CEP170: variants seen among roughly 807,000 people sequenced by gnomAD.
CEP170 encodes the protein centrosomal protein of 170 kDa.
A neutral mutation model predicts 151.9 loss-of-function variants in CEP170; 21 were observed. The ratio of observed to expected loss-of-function variants is 0.14; its 90% CI spans 0.10 to 0.20. CEP170 has a LOEUF of 0.20. Ranked by LOEUF, CEP170 falls within the 10% of genes least tolerant of loss-of-function variation. The probability of loss-of-function intolerance (pLI) is 1.00; values close to 1 mark genes in which losing one functional copy is unlikely to be tolerated. For synonymous variants in CEP170, 356 were observed against 648.8 expected, an observed-to-expected ratio of 0.55 and a Z score of 6.86; for missense variants, 964 against 1,892.9, an observed-to-expected ratio of 0.51 and a Z score of 9.11.
In CEP170 at chr1:243,185,977, T is replaced by C; in HGVS notation, c.1368A>G (p.Leu456=). 2 of 1,613,744 alleles carry C rather than the reference T, an allele frequency of 1.2e-6. No individual in the cohort carries two copies. Among genetic ancestry groups the C allele is most frequent in the East Asian group, 4.5e-5 (2 of 44,882 alleles). ...SEEPSVSIPF[L]QTALLRSSGS... ...CTGAACTTCTTAATAATGCAGTTTG[T>C]AGGAAGGGTATTGACACCGATGGCT... The change falls in exon 10 of 20, where the codon CTA becomes CTG. Residue 456 remains leucine, a synonymous_variant. Transcript: ENST00000366542. This position sits in a 1 kb window ranked among gnomAD's most constrained non-coding sequence, Gnocchi z 4.9.
chr1:243,133,511 T>C (rs903738538), intron 17 of CEP170, among the ~76,000 whole-genome samples: 1 of 152,188 alleles, frequency 6.6e-6, no homozygotes, highest in African/African-American at 2.4e-5. Context: ...ATATATTACA[T>C]TTAACTACAA....
At chr1:243,240,105 G>GT (rs1480538662) in intron 1 of CEP170, among the ~76,000 whole-genome samples, 2 of 152,302 alleles carry the variant, frequency 1.3e-5, no homozygotes, top group Non-Finnish European at 2.9e-5. Flanking sequence ...GAAGTCAGAA[G>GT]TTTGAGACCA....
intron 17 of CEP170, among the ~76,000 whole-genome samples, chr1:243,133,042 A>T (rs1057469780): frequency 6.6e-6 from 1 of 152,184 alleles, no homozygotes; most frequent in African/African-American, 2.4e-5. Flanking sequence ...TCCTTAACAA[A>T]TTCTGCCAAA....
intron 4 of CEP170, among the ~76,000 whole-genome samples, chr1:243,205,629 G>C (rs1355391119): frequency 6.6e-6 from 1 of 152,158 alleles, no homozygotes; most frequent in Admixed American, 6.6e-5. Context: ...AATCTTAAAG[G>C]AAAGACTCAA....
chr1:243,142,599 T>G, intron 14 of CEP170, 136 bp from the exon 15 acceptor site: 1 of 613,830 alleles, frequency 1.6e-6, no homozygotes, highest in Non-Finnish European at 2.9e-6. Flanking sequence ...ATTAACTATT[T>G]TGATAATCAG....
chr1:243,162,453 A>G (rs2058141360), intron 13 of CEP170, among the ~76,000 whole-genome samples: 1 of 152,228 alleles, frequency 6.6e-6, no homozygotes, highest in Non-Finnish European at 1.5e-5. Flanking sequence ...AAGTATGAAA[A>G]GACTAAAATC....
intron 7 of CEP170, among the ~76,000 whole-genome samples, chr1:243,194,991 T>C (rs1034709954): frequency 3.3e-5 from 5 of 151,838 alleles, no homozygotes; most frequent in African/African-American, 1.2e-4. Context: ...GGGATACTTA[T>C]ACTTCATCCA....
intron 10 of CEP170, among the ~76,000 whole-genome samples, chr1:243,180,617 T>G (rs1172877236): frequency 6.6e-6 from 1 of 152,228 alleles, no homozygotes; most frequent in African/African-American, 2.4e-5. Context: ...ACATCCTGCC[T>G]TCTTCTACAT....
At chr1:243,188,529 T>C (rs2060077121) in intron 8 of CEP170, among the ~76,000 whole-genome samples, 1 of 152,204 alleles carries the variant, frequency 6.6e-6, no homozygotes, top group African/African-American at 2.4e-5. Context: ...CCTCACCAAG[T>C]TCTTTTCTTT....
At chr1:243,210,842 C>G (rs1281423037) in intron 4 of CEP170, among the ~76,000 whole-genome samples, 1 of 151,748 alleles carries the variant, frequency 6.6e-6, no homozygotes, top group East Asian at 1.9e-4. Context: ...TCAGGCTGGT[C>G]TCGAACTCCT....
intron 1 of CEP170, among the ~76,000 whole-genome samples, chr1:243,226,203 A>ATATACC (rs200087229): frequency 7.1e-4 from 11 of 15,398 alleles, no homozygotes; most frequent in East Asian, 0.056. Context: ...ATCTAGATAT[A>ATATACC]TATATATCTA....
In CEP170 at chr1:243,199,097, G is replaced by A. The variant is rs1431864828; in HGVS notation, c.594C>T (p.Gly198=). 3 of 1,611,422 alleles carry A rather than the reference G, an allele frequency of 1.9e-6. No individual in the cohort carries two copies. The highest frequency in any genetic ancestry group is 1.7e-6 in the Non-Finnish European group (2 of 1,178,606). The part of the protein sequence containing the change: ...VDEKRAFKTN[G]KPEEKNHEAG... ...CTTCATGGTTTTTTTCTTCAGGTTT[G>A]CCATTTGTCTTGAAAGCTCTTTTTT... Residue 198 remains glycine (G), a synonymous_variant, in exon 7 of 20, where the codon GGC becomes GGT. Transcript: ENST00000366542.
At chr1:243,194,318 T>A in intron 7 of CEP170, among the ~76,000 whole-genome samples, 1 of 152,094 alleles carries the variant, frequency 6.6e-6, no homozygotes, top group South Asian at 2.1e-4. Flanking sequence ...TCAGTATTAT[T>A]ATATTACTAA....
At position 243,191,313 on chromosome 1, in the gene CEP170, A is replaced by G. The variant is rs972747011; in HGVS notation, c.813T>C (p.His271=). The change falls in exon 8 of 20, where the codon CAT becomes CAC. Residue 271 remains histidine, a synonymous_variant. Transcript: ENST00000366542. ...EIPTKDTPSS[H]ITGAGHASFT... ...ATGAAGCATGCCCTGCACCTGTTAT[A>G]TGGGAACTTGGCGTGTCTTTTGTTG... is the stretch of plus-strand genomic sequence containing the variant. The G allele has an allele frequency of 3.1e-6, 5 of 1,613,272 alleles. No individual in the cohort carries two copies. The highest frequency in any genetic ancestry group is 3.4e-6 in the Non-Finnish European group (4 of 1,179,596).
intron 4 of CEP170, among the ~76,000 whole-genome samples, chr1:243,209,456 G>C (rs945645852): frequency 6.6e-6 from 1 of 152,020 alleles, no homozygotes; most frequent in African/African-American, 2.4e-5. Flanking sequence ...CAAAGTGCTG[G>C]GATTACAGGT....
chr1:243,247,441 T>C (rs986083318), intron 1 of CEP170, among the ~76,000 whole-genome samples: 1 of 152,134 alleles, frequency 6.6e-6, no homozygotes, highest in Non-Finnish European at 1.5e-5. Flanking sequence ...GCAATCTCCA[T>C]CTCCTGGGCT....
rs529239597 is a variant in CEP170, at chr1:243,158,900, C to A, written c.3677-2445G>T. Among the ~76,000 whole-genome samples the A allele has an allele frequency of 2.6e-3, 390 of 151,984 alleles. 1 individual carries two copies. The highest frequency in any genetic ancestry group is 8.9e-3 in the African/African-American group (367 of 41,446). ...TGGCCAACATGGTGAAACCCCATCT[C>A]TACTAAAAATACAAAAATTAGCCAG... On this transcript the variant is annotated intron_variant, in intron 13 of 19. Coordinates refer to ENST00000366542, the MANE Select transcript of CEP170 (RefSeq NM_014812.3).
In CEP170 at chr1:243,126,724, T is replaced by G; in HGVS notation, c.4480A>C (p.Ile1494Leu). Residue 1494 changes from isoleucine to leucine, a missense_variant, in exon 20 of 20, where the codon ATT (isoleucine) becomes CTT (leucine). Transcript: ENST00000366542. ...EKQLQAINAM[I>L]DPDGTLEALN... is the part of the protein sequence containing the mutation. ...GCCTCCAAAGTTCCATCAGGATCAA[T>G]CATAGCATTGATTGCTAAAGGGCGG... The G allele has an allele frequency of 2.6e-6, 4 of 1,552,590 alleles. No individual in the cohort carries two copies. Among genetic ancestry groups the G allele is most frequent in the Non-Finnish European group, 3.5e-6 (4 of 1,146,816 alleles).
intron 7 of CEP170, among the ~76,000 whole-genome samples, chr1:243,197,962 C>A (rs1013079884): frequency 6.6e-6 from 1 of 152,104 alleles, no homozygotes; most frequent in African/African-American, 2.4e-5. Flanking sequence ...GTTGATAACG[C>A]TCGCTTTTCT....
Sources: allele counts gnomAD v4.1 joint callset (sites outside exome capture counted in the v4.1 genomes callset), GRCh38; gene constraint gnomAD v4.1.1; non-coding constraint Gnocchi (gnomAD v3.1); transcripts MANE v1.5; gene names NCBI Gene and HGNC (gene_info 2026-07-23, HGNC 2026-07-21).